Variants in MYO10 observed in about 807,000 individuals in gnomAD.
The protein encoded by MYO10 is myosin X.
In MYO10, 133 loss-of-function variants were observed where a neutral mutation model predicts 257.3. The observed-to-expected ratio is 0.52, with a 90% CI of 0.45 to 0.60. The LOEUF (loss-of-function observed/expected upper bound fraction) is 0.60. MYO10 is among the 20% of genes least tolerant of loss of function. MYO10 has a pLI of 0.00. For missense variants in MYO10, 2,399 were observed against 2,635.7 expected (o/e 0.91, Z 1.97); for synonymous variants, 1,104 against 1,028.6 (o/e 1.07, Z -1.40).
chr5:16,676,809 G>A (rs903918268), intron 33 of MYO10, among the ~76,000 whole-genome samples: 17 of 152,186 alleles, frequency 1.1e-4, no homozygotes, highest in Admixed American at 9.8e-4. Context: ...TTTGAGACCA[G>A]CCTGGGCAAC....
chr5:16,907,049 G>A (rs1178904013), intron 1 of MYO10, among the ~76,000 whole-genome samples: 1 of 152,098 alleles, frequency 6.6e-6, no homozygotes, highest in Non-Finnish European at 1.5e-5. Context: ...GGAAGGTGGA[G>A]GTTGCAGTGA....
chr5:16,865,655 A>T (rs1010588439), intron 2 of MYO10, among the ~76,000 whole-genome samples: 1 of 151,942 alleles, frequency 6.6e-6, no homozygotes, highest in Non-Finnish European at 1.5e-5. Flanking sequence ...TCCTAAAAAT[A>T]CAAAAATTAG....
rs1560972014 is a variant in MYO10, at chr5:16,763,553, G to C, written c.1428-6C>G. On this transcript the variant is annotated splice_region_variant and splice_polypyrimidine_tract_variant and intron_variant, in intron 13 of 40. Transcript: ENST00000513610. ...CTTCCCACACTAATCCTTCCCTGTA[G>C]AAAGATTTTAAACAGCCAAGTTAAA... 4.4e-6 allele frequency: 7 copies of C among 1,608,238 alleles called. 1 individual carries two copies. The highest frequency in any genetic ancestry group is 1.1e-5 in the South Asian group (1 of 90,910).
chr5:16,782,671 CCT>C (rs1719666982), intron 5 of MYO10, among the ~76,000 whole-genome samples: 1 of 152,122 alleles, frequency 6.6e-6, no homozygotes, highest in Non-Finnish European at 1.5e-5. Flanking sequence ...TTTGCCGACC[CCT>C]GGACAAATCT....
At chr5:16,826,707 G>C (rs1743012344) in intron 2 of MYO10, among the ~76,000 whole-genome samples, 1 of 152,260 alleles carries the variant, frequency 6.6e-6, no homozygotes, top group South Asian at 2.1e-4. Flanking sequence ...TAATCCCTTT[G>C]CACGAAGTTG....
intron 2 of MYO10, among the ~76,000 whole-genome samples, chr5:16,825,354 C>T (rs913603215): frequency 3.9e-5 from 6 of 152,150 alleles, no homozygotes; most frequent in African/African-American, 1.4e-4. Context: ...TGTTTAAAAG[C>T]CATCACACGC....
At chr5:16,675,409 CT>C (rs1736679200) in intron 34 of MYO10, among the ~76,000 whole-genome samples, 5 of 152,050 alleles carry the variant, frequency 3.3e-5, no homozygotes, top group Admixed American at 2.6e-4. Flanking sequence ...GAACAAAATC[CT>C]TTTTTGGAAT....
chr5:16,867,453 A>T (rs1744311065), intron 2 of MYO10, among the ~76,000 whole-genome samples: 1 of 151,976 alleles, frequency 6.6e-6, no homozygotes, highest in African/African-American at 2.4e-5. Context: ...GGGACATAAA[A>T]ACGACACCAA....
chr5:16,698,828 T>G (rs559892836), intron 26 of MYO10, among the ~76,000 whole-genome samples: 2 of 144,820 alleles, frequency 1.4e-5, no homozygotes, highest in African/African-American at 5.8e-5. Context: ...TTTCACTGTG[T>G]TAGCCAGGAT....
chr5:16,701,544 C>T lies in MYO10; in HGVS notation c.2851G>A (p.Asp951Asn), dbSNP rs771275178. The T allele has an allele frequency of 6.2e-6, 10 of 1,613,964 alleles. No homozygotes were observed. The highest frequency in any genetic ancestry group is 3.3e-5 in the South Asian group (3 of 91,066). Residue 951 changes from aspartate to asparagine, a missense_variant, in exon 25 of 41, where the codon GAC becomes AAC. Coordinates refer to ENST00000513610, the MANE Select transcript of MYO10 (RefSeq NM_012334.3). The surrounding 1 kb of genome is among the most constrained non-coding windows in gnomAD (Gnocchi z 8.1). The stretch of plus-strand genomic sequence containing the variant: ...CGCTCGATATTCCGGACACACTCGT[C>T]GATCTCGTCGAAATTGAGGGACTCG... ...FLESLNFDEIDECVRNIERSL... is the reference protein window; with the variant it reads ...FLESLNFDEINECVRNIERSL...
intron 18 of MYO10, among the ~76,000 whole-genome samples, chr5:16,757,226 G>T (rs961704413): frequency 1.3e-5 from 2 of 149,808 alleles, no homozygotes; most frequent in Non-Finnish European, 1.5e-5. Flanking sequence ...GGAGTTTGAG[G>T]CTGCAGTGAG....
intron 2 of MYO10, among the ~76,000 whole-genome samples, chr5:16,834,420 G>T (rs368031747): frequency 7.9e-5 from 12 of 152,272 alleles, no homozygotes; most frequent in African/African-American, 2.6e-4. Context: ...TACAATAGCA[G>T]GGGGTGCTGA....
chr5:16,882,796 C>T (rs964313699), intron 1 of MYO10, among the ~76,000 whole-genome samples: 1 of 152,152 alleles, frequency 6.6e-6, no homozygotes, highest in African/African-American at 2.4e-5. Flanking sequence ...TGTCCTAACA[C>T]TGCCCTGTGG....
chr5:16,670,443 T>C, intron 39 of MYO10, 83 bp downstream of exon 39: 2 of 1,271,734 alleles, frequency 1.6e-6, no homozygotes, highest in Middle Eastern at 2.7e-4. Context: ...CATCTTGTCT[T>C]CTCTCCACAT....
intron 36 of MYO10, among the ~76,000 whole-genome samples, chr5:16,673,057 C>T (rs914705617): frequency 6.6e-6 from 1 of 152,108 alleles, no homozygotes; most frequent in African/African-American, 2.4e-5. Context: ...GGTATTTTGC[C>T]CATCGGTAGA....
chr5:16,685,976 T>C (rs1737236184), intron 28 of MYO10, 145 bp from the exon 29 acceptor site: 4 of 640,136 alleles, frequency 6.2e-6, no homozygotes, highest in African/African-American at 5.4e-5. Flanking sequence ...TAAATGTCAG[T>C]TTCATTACCA....
At position 16,761,492 on chromosome 5, in the gene MYO10, C is replaced by T. The variant is rs972081440; in HGVS notation, c.1711G>A (p.Asp571Asn). The T allele has an allele frequency of 4.3e-6, 7 of 1,613,178 alleles. No homozygotes were observed. In the South Asian group the frequency reaches 5.5e-5, roughly 13 times the overall value. The stretch of plus-strand genomic sequence containing the variant: ...CTTTCTCTTAGCAAATTGAGAAGGT[C>T]ATCTCGAAATGTATCTCTGTTCTTC... ...LEKNRDTFRDDLLNLLRESRF... is the reference protein window; with the variant it reads ...LEKNRDTFRDNLLNLLRESRF... Residue 571 changes from aspartate (D) to asparagine (N), a missense_variant, in exon 17 of 41, where the codon GAC becomes AAC. Physicochemically the swap from Asp to Asn is conservative, Grantham distance 23 (BLOSUM62 1). Around this residue, in one of 3 missense-constraint regions of MYO10, gnomAD observed 1,820 missense variants for 1,939.4 expected, o/e 0.94. Coordinates refer to ENST00000513610, the MANE Select transcript of MYO10 (RefSeq NM_012334.3).
chr5:16,899,970 C>A (rs1351547700), intron 1 of MYO10, among the ~76,000 whole-genome samples: 1 of 137,980 alleles, frequency 7.2e-6, no homozygotes, highest in Non-Finnish European at 1.5e-5. Context: ...TGCGCTCCAG[C>A]CTGGGCAACA....
At chr5:16,830,995 T>C (rs72732258) in intron 2 of MYO10, among the ~76,000 whole-genome samples, 21,099 of 152,130 alleles carry the variant, frequency 0.14, 1,643 homozygotes, top group East Asian at 0.26. Flanking sequence ...ATCCACTGCG[T>C]CAATGTCAAT....
Sources: allele counts gnomAD v4.1 joint callset (sites outside exome capture counted in the v4.1 genomes callset), GRCh38; gene constraint gnomAD v4.1.1; regional missense constraint gnomAD v4.1.1; non-coding constraint Gnocchi (gnomAD v3.1); transcripts MANE v1.5; gene names NCBI Gene and HGNC (gene_info 2026-07-23, HGNC 2026-07-21).